CTNNA3: variants seen among roughly 807,000 people sequenced by gnomAD.
CTNNA3 encodes the protein catenin alpha 3.
Under a neutral mutation model 95.7 loss-of-function variants are expected in CTNNA3, and 76 were observed. The observed-to-expected ratio is 0.79, with a 90% CI of 0.66 to 0.96. The LOEUF is 0.96. CTNNA3 is among the 40% of genes least tolerant of loss of function. The pLI is 0.00. For synonymous variants in CTNNA3, 431 were observed against 374.4 expected, an observed-to-expected ratio of 1.15 and a Z score of -1.74; for missense variants, 1,191 against 1,089.8, an observed-to-expected ratio of 1.09 and a Z score of -1.31.
In CTNNA3 at chr10:66,948,280, A is replaced by G. The variant is rs139731571; in HGVS notation, c.1048-172756T>C. Reference sequence around the variant, plus strand: ...TTGAGGCATCGTATAACATAGTACCATGTACAAAGAAAGTTTTAATAAAGC... The same window carrying G: ...TTGAGGCATCGTATAACATAGTACCGTGTACAAAGAAAGTTTTAATAAAGC... On this transcript the variant is annotated intron_variant, in intron 7 of 17. Coordinates refer to ENST00000433211, the MANE Select transcript of CTNNA3 (RefSeq NM_013266.4). 2.7e-3 allele frequency among the ~76,000 whole-genome samples: 408 copies of G among 152,326 alleles called. 2 individuals are homozygous for G. Among genetic ancestry groups the G allele is most frequent in the African/African-American group, 9.4e-3 (392 of 41,590 alleles).
chr10:66,274,576 A>G (rs2091352075), intron 13 of CTNNA3, among the ~76,000 whole-genome samples: 1 of 152,196 alleles, frequency 6.6e-6, no homozygotes, highest in Non-Finnish European at 1.5e-5. Flanking sequence ...AAGTTTTTCT[A>G]ATTAGCCCTA....
At chr10:66,157,484 T>C (rs1235323279) in intron 13 of CTNNA3, among the ~76,000 whole-genome samples, 3 of 107,636 alleles carry the variant, frequency 2.8e-5, no homozygotes, top group South Asian at 3.2e-4. Context: ...GATAGATAGA[T>C]AGATATGTAG....
At chr10:67,500,204 A>G (rs772062428) in intron 5 of CTNNA3, among the ~76,000 whole-genome samples, 2 of 152,196 alleles carry the variant, frequency 1.3e-5, no homozygotes, top group Non-Finnish European at 2.9e-5. Context: ...GTAGTCATTC[A>G]GGAGCAGGTT....
chr10:66,365,363 C>T (rs1183469357), intron 12 of CTNNA3, among the ~76,000 whole-genome samples: 1 of 152,034 alleles, frequency 6.6e-6, no homozygotes, highest in East Asian at 1.9e-4. Flanking sequence ...GGGAGGGGAA[C>T]ATCACACACC....
chr10:67,129,063 T>C (rs749481885), intron 7 of CTNNA3, among the ~76,000 whole-genome samples: 2 of 152,190 alleles, frequency 1.3e-5, no homozygotes, highest in South Asian at 2.1e-4. Flanking sequence ...ATTAGACTGC[T>C]CACTCATTTG....
chr10:67,286,882 C>T lies in CTNNA3; in HGVS notation c.580-67012G>A, dbSNP rs549208000. The stretch of plus-strand genomic sequence containing the variant: ...TCTCAACTTAAGGCATTTCACAAGC[C>T]TGAGAATTATTTCTGCTTTGACTTT... On this transcript the variant is annotated intron_variant, in intron 5 of 17. Transcript: ENST00000433211. Among the ~76,000 whole-genome samples the T allele has an allele frequency of 1.3e-3, 196 of 152,176 alleles. 1 individual carries two copies. The highest frequency in any genetic ancestry group is 4.3e-3 in the African/African-American group (178 of 41,542).
At chr10:67,579,672 A>G (rs1172808066) in intron 3 of CTNNA3, among the ~76,000 whole-genome samples, 2 of 152,184 alleles carry the variant, frequency 1.3e-5, no homozygotes, top group Admixed American at 6.5e-5. Flanking sequence ...TCCCACCAAC[A>G]GTGTAAAAGT....
intron 3 of CTNNA3, among the ~76,000 whole-genome samples, chr10:67,560,403 G>A (rs1381583111): frequency 6.6e-6 from 1 of 151,986 alleles, no homozygotes; most frequent in Non-Finnish European, 1.5e-5. Flanking sequence ...CATAAGTGAA[G>A]GAGAAATAAA....
At chr10:66,382,117 C>A (rs986603876) in intron 11 of CTNNA3, among the ~76,000 whole-genome samples, 2 of 152,098 alleles carry the variant, frequency 1.3e-5, no homozygotes, top group Admixed American at 1.3e-4. Flanking sequence ...TGAGCTGAAG[C>A]AGGACAGGGT....
At chr10:67,161,684 A>G (rs1163142920) in intron 7 of CTNNA3, among the ~76,000 whole-genome samples, 1 of 152,084 alleles carries the variant, frequency 6.6e-6, no homozygotes, top group Non-Finnish European at 1.5e-5. Flanking sequence ...AATCCTTACC[A>G]CATCAATAAT....
chr10:66,358,894 A>T (rs2092631899), intron 12 of CTNNA3, among the ~76,000 whole-genome samples: 1 of 152,156 alleles, frequency 6.6e-6, no homozygotes, highest in Admixed American at 6.6e-5. Flanking sequence ...TAAAACTTAC[A>T]GTTGTATTAT....
intron 17 of CTNNA3, among the ~76,000 whole-genome samples, chr10:65,963,144 C>T (rs932982681): frequency 6.6e-6 from 1 of 152,158 alleles, no homozygotes; most frequent in Non-Finnish European, 1.5e-5. Context: ...ATTGCCATCT[C>T]AAACTAAGAA....
rs1195165729 is a variant in CTNNA3, at chr10:66,280,566, G to A, written c.1788C>T (p.Ser596=). 8 of 1,609,422 alleles carry A rather than the reference G, an allele frequency of 5.0e-6. No individual in the cohort carries two copies. Among genetic ancestry groups the A allele is most frequent in the African/African-American group, 4.0e-5 (3 of 74,530 alleles). Residue 596 remains serine, a synonymous_variant, in exon 13 of 18, where the codon AGC becomes AGT. Coordinates refer to ENST00000433211, the MANE Select transcript of CTNNA3 (RefSeq NM_013266.4). ...VNVALEALSK[S]SLNVLDDNQF... ...GATTATCATCCAACACATTCAATGA[G>A]CTTTTGCTTAAGGCTTCCAAGGCAA...
chr10:65,972,126 C>A (rs1457364166), intron 16 of CTNNA3, among the ~76,000 whole-genome samples: 1 of 152,056 alleles, frequency 6.6e-6, no homozygotes, highest in Non-Finnish European at 1.5e-5. Context: ...ATGATAAAAA[C>A]CTTCAAGAAA....
chr10:67,220,023 A>G, intron 5 of CTNNA3, 153 bp from the exon 6 acceptor site: 1 of 632,436 alleles, frequency 1.6e-6, no homozygotes, highest in Non-Finnish European at 2.6e-6. Flanking sequence ...TATTATTTCT[A>G]CATTCTTTCA....
intron 9 of CTNNA3, among the ~76,000 whole-genome samples, chr10:66,711,259 A>AAAAC (rs1554839623): frequency 3.4e-4 from 1 of 2,904 alleles, no homozygotes; most frequent in African/African-American, 2.8e-3. Flanking sequence ...AACAAGAAAC[A>AAAAC]AAAAAAAAAA....
At chr10:67,713,416 C>T (rs915202290) in intron 1 of CTNNA3, among the ~76,000 whole-genome samples, 3 of 152,186 alleles carry the variant, frequency 2.0e-5, no homozygotes, top group Non-Finnish European at 2.9e-5. Context: ...CCACTTGACC[C>T]AGCAATCCCA....
chr10:67,165,291 G>A (rs1336050486), intron 7 of CTNNA3, among the ~76,000 whole-genome samples: 1 of 152,102 alleles, frequency 6.6e-6, no homozygotes, highest in Non-Finnish European at 1.5e-5. Context: ...ATAAAACACT[G>A]TATAATAACA....
chr10:65,976,270 G>A (rs962051703), intron 16 of CTNNA3, among the ~76,000 whole-genome samples: 5 of 152,038 alleles, frequency 3.3e-5, no homozygotes, highest in African/African-American at 4.8e-5. Context: ...TTATAAACTC[G>A]ATTAATGTGG....
Sources: allele counts gnomAD v4.1 joint callset (sites outside exome capture counted in the v4.1 genomes callset), GRCh38; gene constraint gnomAD v4.1.1; transcripts MANE v1.5; gene names NCBI Gene and HGNC (gene_info 2026-07-23, HGNC 2026-07-21).